The following SNX24 variants were observed in gnomAD, a reference collection of about 807,000 sequenced individuals.
The protein encoded by SNX24 is sorting nexin-24.
Under a neutral mutation model 28.7 loss-of-function variants are expected in SNX24, and 22 were observed. The observed-to-expected ratio is 0.77, with a 90% CI of 0.55 to 1.10. SNX24 has a LOEUF of 1.10. SNX24 is among the 50% of genes least tolerant of loss of function. SNX24 has a pLI of 0.00. For missense variants in SNX24, 221 were observed against 201.1 expected, an observed-to-expected ratio of 1.10 and a Z score of -0.60; for synonymous variants, 69 against 71.5, an observed-to-expected ratio of 0.96 and a Z score of 0.18.
chr5:122,852,624 T>C lies in SNX24; in HGVS notation c.60+6931T>C, dbSNP rs544924658. ...TCTGAAAGTGCTGGGATTGTAGGCATGAGCCACCATGCCCAGCCGCATTTA... is the reference window on the plus strand; with the variant it reads ...TCTGAAAGTGCTGGGATTGTAGGCACGAGCCACCATGCCCAGCCGCATTTA... On this transcript the variant is annotated intron_variant, in intron 1 of 6. Coordinates refer to ENST00000261369, the MANE Select transcript of SNX24 (RefSeq NM_014035.4). Among the ~76,000 whole-genome samples the C allele has an allele frequency of 6.6e-4, 101 of 152,314 alleles. 1 individual carries two copies. Among genetic ancestry groups the C allele is most frequent in the South Asian group, 1.2e-3 (6 of 4,830 alleles).
At chr5:122,864,646 G>A (rs1472487098) in intron 1 of SNX24, among the ~76,000 whole-genome samples, 6 of 152,198 alleles carry the variant, frequency 3.9e-5, no homozygotes, top group Non-Finnish European at 8.8e-5. Context: ...TTCTTGCACT[G>A]AGTCAGTTCC....
At chr5:122,970,062 T>G (rs994554232) in intron 3 of SNX24, among the ~76,000 whole-genome samples, 1 of 151,894 alleles carries the variant, frequency 6.6e-6, no homozygotes, top group African/African-American at 2.4e-5. Context: ...GTGCCTTCCT[T>G]GTTTGTCCTC....
Position 122,936,745 on chromosome 5 carries a change from A to G in SNX24, c.72A>G (p.Ile24Met). 1 of 1,590,986 alleles carries G rather than the reference A, an allele frequency of 6.3e-7. No homozygotes were observed. ...DLERGYTVFK[I>M]EVLMNGRKHF... ...AATTTTTTCCTCAGGTGTTTAAGAT[A>G]GAAGTGCTAATGAATGGAAGAAAAC... The change falls in exon 2 of 7, where the codon ATA (isoleucine) becomes ATG (methionine). Residue 24 changes from isoleucine (I) to methionine (M), a missense_variant. Coordinates refer to ENST00000261369, the MANE Select transcript of SNX24 (RefSeq NM_014035.4).
chr5:122,963,818 T>A (rs1760586969), intron 3 of SNX24, among the ~76,000 whole-genome samples: 1 of 152,208 alleles, frequency 6.6e-6, no homozygotes, highest in Non-Finnish European at 1.5e-5. Flanking sequence ...TAAAATTCTC[T>A]CCTTGCAGGT....
At chr5:123,009,233 T>G, downstream of SNX24, 1 of 984,786 alleles carries the variant, frequency 1.0e-6, no homozygotes, top group African/African-American at 1.7e-5. Context: ...TCCTAAGATT[T>G]CACTGGAAAC....
At chr5:122,860,152 T>G (rs1755391344) in intron 1 of SNX24, among the ~76,000 whole-genome samples, 1 of 152,180 alleles carries the variant, frequency 6.6e-6, no homozygotes, top group South Asian at 2.1e-4. Flanking sequence ...TGCAGGGCCG[T>G]CAAAACATGG....
At chr5:122,920,079 G>C (rs1758367705) in intron 1 of SNX24, among the ~76,000 whole-genome samples, 1 of 152,176 alleles carries the variant, frequency 6.6e-6, no homozygotes, top group Admixed American at 6.5e-5. Flanking sequence ...GAAAATTCAG[G>C]TAGATTGTCA....
intron 3 of SNX24, among the ~76,000 whole-genome samples, chr5:122,982,618 C>G (rs1040898449): frequency 6.6e-6 from 1 of 152,060 alleles, no homozygotes; most frequent in African/African-American, 2.4e-5. Context: ...ACACATAATG[C>G]CTTTGAGGAA....
At chr5:122,891,224 G>T in intron 1 of SNX24, 1 of 1,198,492 alleles carries the variant, frequency 8.3e-7, no homozygotes, top group Non-Finnish European at 1.1e-6. Flanking sequence ...TAGGAATGTT[G>T]ACTTTAAAGT....
intron 3 of SNX24, among the ~76,000 whole-genome samples, chr5:122,993,845 T>G (rs1372712366): frequency 6.6e-6 from 1 of 152,184 alleles, no homozygotes; most frequent in African/African-American, 2.4e-5. Context: ...GAAGCATCTT[T>G]CCTGGTGAAG....
At chr5:122,968,743 C>T (rs39818) in intron 3 of SNX24, among the ~76,000 whole-genome samples, 26,974 of 152,044 alleles carry the variant, frequency 0.18, 2,922 homozygotes, top group East Asian at 0.48. Context: ...TCACAGTACT[C>T]ACAAATTAAA....
chr5:122,938,939 C>CAAAA (rs1033177759), intron 2 of SNX24, among the ~76,000 whole-genome samples: 41 of 1,444 alleles, frequency 0.028, 14 homozygotes, highest in Non-Finnish European at 0.026. Flanking sequence ...GACTCCGTCT[C>CAAAA]AAAAAAAAAA....
chr5:122,931,147 G>A (rs533757510), intron 1 of SNX24, among the ~76,000 whole-genome samples: 299 of 152,124 alleles, frequency 2.0e-3, no homozygotes, highest in Non-Finnish European at 3.1e-3. Context: ...TGAAATATGA[G>A]AAAAACGCTT....
rs1472802815 is a variant in SNX24, at chr5:122,946,076, C to G, written c.166C>G (p.Pro56Ala). 8 of 1,598,134 alleles carry G rather than the reference C, an allele frequency of 5.0e-6. No homozygotes were observed. The highest frequency in any genetic ancestry group is 1.7e-5 in the Admixed American group (1 of 59,106). ...ATAGCTTAAGAAATGTATAAAAACT[C>G]CAGAAATCCCTTCTAAACATGTTAG... ...HKKLKKCIKT[P>A]EIPSKHVRNW... Residue 56 changes from proline (P) to alanine (A), a missense_variant, in exon 3 of 7, where the codon CCA becomes GCA. By Grantham distance (27) the Pro-to-Ala change is conservative. Coordinates refer to ENST00000261369, the MANE Select transcript of SNX24 (RefSeq NM_014035.4).
At chr5:123,003,958 T>A (rs1762333209) in intron 6 of SNX24, among the ~76,000 whole-genome samples, 1 of 152,218 alleles carries the variant, frequency 6.6e-6, no homozygotes, top group African/African-American at 2.4e-5. Context: ...CTTGTGATCT[T>A]AGAAGTGTTA....
chr5:122,924,444 G>A (rs978877017), intron 1 of SNX24, among the ~76,000 whole-genome samples: 1 of 152,162 alleles, frequency 6.6e-6, no homozygotes, highest in African/African-American at 2.4e-5. Context: ...CAGAAAAAGG[G>A]AGGGCTCGTG....
chr5:122,976,096 A>G (rs1761150276), intron 3 of SNX24, among the ~76,000 whole-genome samples: 1 of 152,204 alleles, frequency 6.6e-6, no homozygotes, highest in African/African-American at 2.4e-5. Flanking sequence ...CTCCATGGAA[A>G]TTCCAAAGAA....
In SNX24 at chr5:123,007,699, A is replaced by G. The variant is rs1160964071; in HGVS notation, c.460A>G (p.Ile154Val). ...TTTTTCAGATTTTCCAAATGTGGTT[A>G]TTGAAGGAGTCCTCCATGGGATATT... ...PAASDFPNVV[I>V]EGVLHGIFYP... Residue 154 changes from isoleucine to valine, a missense_variant, in exon 7 of 7, where the codon ATT (isoleucine) becomes GTT (valine). Physicochemically the swap from Ile to Val is conservative, Grantham distance 29 (BLOSUM62 3). Transcript: ENST00000261369. The G allele has an allele frequency of 1.3e-6, 2 of 1,541,392 alleles. No homozygotes were observed. Among genetic ancestry groups the G allele is most frequent in the Non-Finnish European group, 1.7e-6 (2 of 1,152,392 alleles).
intron 1 of SNX24, among the ~76,000 whole-genome samples, chr5:122,880,757 G>A (rs1374640294): frequency 1.3e-5 from 2 of 152,190 alleles, no homozygotes; most frequent in Non-Finnish European, 2.9e-5. Context: ...AAGGAGTAGG[G>A]TGTAATTATT....
Sources: allele counts gnomAD v4.1 joint callset (sites outside exome capture counted in the v4.1 genomes callset), GRCh38; gene constraint gnomAD v4.1.1; transcripts MANE v1.5; gene names NCBI Gene and HGNC (gene_info 2026-07-23, HGNC 2026-07-21).